Variants in STK3 observed in about 807,000 individuals in gnomAD.
STK3 encodes the protein serine/threonine kinase 3.
In STK3, 41 loss-of-function variants were observed where a neutral mutation model predicts 58.0. The observed-to-expected ratio is 0.71, with a 90% CI of 0.55 to 0.92. STK3 has a LOEUF of 0.92. STK3 is among the 40% of genes least tolerant of loss of function. The pLI is 0.00. For missense variants in STK3, 479 were observed against 602.7 expected, an observed-to-expected ratio of 0.79 and a Z score of 2.15; for synonymous variants, 170 against 191.0, an observed-to-expected ratio of 0.89 and a Z score of 0.91.
At chr8:98,858,209 C>T (rs2131844263) in intron 3 of STK3, among the ~76,000 whole-genome samples, 1 of 149,540 alleles carries the variant, frequency 6.7e-6, no homozygotes, top group South Asian at 2.1e-4. Context: ...TGACGAAACC[C>T]AGTGTCTACT....
intron 1 of STK3, 60 bp downstream of exon 1, chr8:98,825,454 AC>A (rs1270306118): frequency 6.9e-5 from 97 of 1,405,698 alleles, no homozygotes; most frequent in South Asian, 1.2e-4. Flanking sequence ...TGGCCTAGCC[AC>A]CCCCGCCCCG....
At position 98,405,752 on chromosome 8, in the gene STK3, T is replaced by C. The variant is rs141875558; in HGVS notation, n.484-4239A>G. On this transcript the variant is annotated intron_variant and non_coding_transcript_variant, in intron 3 of 3. Transcript: ENST00000517832. ...CACAGCTGGGGAAGCCTCACAATCATGGCAGAAGGCAAAGAAGAACACATC... is the reference window on the plus strand; with the variant it reads ...CACAGCTGGGGAAGCCTCACAATCACGGCAGAAGGCAAAGAAGAACACATC... Among the ~76,000 whole-genome samples, 8 of 152,316 alleles carry C rather than the reference T, an allele frequency of 5.3e-5. No homozygotes were observed. The East Asian group carries it at 1.3e-3, about 26-fold the overall frequency.
intron 9 of STK3, among the ~76,000 whole-genome samples, chr8:98,533,768 G>A (rs1279345286): frequency 3.9e-4 from 59 of 152,152 alleles, no homozygotes; most frequent in Non-Finnish European, 2.9e-5. Flanking sequence ...GGCATCACAG[G>A]TGTGGGCCAC....
intron 7 of STK3, among the ~76,000 whole-genome samples, chr8:98,584,204 T>C (rs961541305): frequency 2.6e-4 from 40 of 152,198 alleles, no homozygotes; most frequent in Middle Eastern, 6.8e-3. Context: ...CCCACTAACT[T>C]GTCATCTAGC....
intron 3 of STK3, chr8:98,427,937 G>A: frequency 6.9e-7 from 1 of 1,444,984 alleles, no homozygotes; most frequent in Non-Finnish European, 9.2e-7. Flanking sequence ...TCCGCTTCCA[G>A]GTGTAGCGCC....
intron 1 of STK3, chr8:98,778,993 C>T (rs982015826): frequency 4.0e-5 from 6 of 151,818 alleles, no homozygotes; most frequent in Non-Finnish European, 8.8e-5. Flanking sequence ...AACAAACCTG[C>T]ACATTGTGCA....
At chr8:98,707,037 A>C in intron 5 of STK3, 110 bp downstream of exon 5, 1 of 1,221,434 alleles carries the variant, frequency 8.2e-7, no homozygotes, top group Non-Finnish European at 1.1e-6. Context: ...ACAAAAATTA[A>C]AAAACTACAC....
At chr8:98,449,164 T>C (rs1471903916) in intron 1 of STK3, among the ~76,000 whole-genome samples, 4 of 152,300 alleles carry the variant, frequency 2.6e-5, no homozygotes, top group South Asian at 2.1e-4. Context: ...CCTTATATTC[T>C]AGAGTTCCCT....
At chr8:98,760,420 G>A (rs970832752) in intron 3 of STK3, among the ~76,000 whole-genome samples, 12 of 152,144 alleles carry the variant, frequency 7.9e-5, no homozygotes, top group Admixed American at 3.9e-4. Flanking sequence ...AATTACAGGC[G>A]TGAGCCACTG....
chr8:98,893,530 AAG>A (rs1426148604), intron 1 of STK3, among the ~76,000 whole-genome samples: 4 of 148,772 alleles, frequency 2.7e-5, no homozygotes, highest in Admixed American at 6.7e-5. Flanking sequence ...GAAAGAAAGA[AAG>A]AAAGAAAAAG....
At chr8:98,795,802 AAT>A (rs1833125652) in intron 1 of STK3, among the ~76,000 whole-genome samples, 1 of 61,558 alleles carries the variant, frequency 1.6e-5, no homozygotes, top group Non-Finnish European at 3.0e-5. Context: ...CACAAAATAC[AAT>A]ACAATACAAT....
intron 3 of STK3, among the ~76,000 whole-genome samples, chr8:98,872,302 C>A (rs1358692066): frequency 6.6e-6 from 1 of 152,064 alleles, no homozygotes; most frequent in African/African-American, 2.4e-5. Context: ...GTATAAAATT[C>A]TCTTTTTTTG....
At chr8:98,809,541 T>C (rs1834091232) in intron 1 of STK3, among the ~76,000 whole-genome samples, 1 of 152,238 alleles carries the variant, frequency 6.6e-6, no homozygotes. Flanking sequence ...ACCACTATTC[T>C]ACTTTCTGTT....
At chr8:98,627,481 TAAAAAAAGAAAAAAGAAA>T (rs1458910476) in intron 6 of STK3, among the ~76,000 whole-genome samples, 2 of 92,846 alleles carry the variant, frequency 2.2e-5, no homozygotes, top group Non-Finnish European at 4.4e-5. Context: ...GCCACTGCAC[TAAAAAAAGAAAAAAGAAA>T]AAAAAAAAAA....
chr8:98,628,852 C>T (rs1818953274), intron 6 of STK3, among the ~76,000 whole-genome samples: 1 of 146,098 alleles, frequency 6.8e-6, no homozygotes, highest in African/African-American at 2.5e-5. Flanking sequence ...AGGAATGTGC[C>T]TATAAATGGA....
intron 6 of STK3, among the ~76,000 whole-genome samples, chr8:98,613,833 T>C (rs962250228): frequency 6.6e-6 from 1 of 151,820 alleles, no homozygotes; most frequent in Admixed American, 6.6e-5. Context: ...TACAGGCATG[T>C]TGAAAGAAAA....
chr8:98,823,550 C>T (rs1835046826), intron 1 of STK3, among the ~76,000 whole-genome samples: 1 of 152,124 alleles, frequency 6.6e-6, no homozygotes. Context: ...CGTCTTTGAG[C>T]CTCATATAAT....
chr8:98,452,327 G>A (rs1749725628), downstream of STK3, among the ~76,000 whole-genome samples: 2 of 152,168 alleles, frequency 1.3e-5, no homozygotes, highest in Non-Finnish European at 2.9e-5. Flanking sequence ...TATAGTAAGT[G>A]CCCCGAATAA....
chr8:98,557,433 T>C (rs1471647489), intron 8 of STK3, among the ~76,000 whole-genome samples: 1 of 152,090 alleles, frequency 6.6e-6, no homozygotes, highest in Non-Finnish European at 1.5e-5. Context: ...AGTTATCCCA[T>C]TGTCCTTGTT....
Sources: gnomAD v4.1 joint callset for allele counts (sites outside exome capture counted in the v4.1 genomes callset) on GRCh38, gnomAD v4.1.1 for gene constraint, MANE v1.5 for transcripts, NCBI Gene and HGNC (gene_info 2026-07-23, HGNC 2026-07-21) for gene names.